The following SARNP variants were observed in gnomAD, a reference collection of about 807,000 sequenced individuals.
SARNP encodes SAP domain-containing ribonucleoprotein.
SARNP carries 5 observed loss-of-function variants against 38.1 expected under a neutral mutation model. The ratio of observed to expected loss-of-function variants is 0.13; its 90% CI spans 0.07 to 0.28. The LOEUF is 0.28. SARNP is among the 10% of genes least tolerant of loss of function. SARNP has a pLI of 1.00. For missense variants in SARNP, 180 were observed against 243.9 expected, an observed-to-expected ratio of 0.74 and a Z score of 1.75; for synonymous variants, 84 against 80.6, an observed-to-expected ratio of 1.04 and a Z score of -0.23.
At chr12:55,814,674 G>A (rs577178925) in intron 1 of SARNP, among the ~76,000 whole-genome samples, 18 of 152,102 alleles carry the variant, frequency 1.2e-4, no homozygotes, top group South Asian at 8.3e-4. Flanking sequence ...AAGTCCAGCC[G>A]GACCAATAAC....
chr12:55,762,647 T>G (rs1201186714), intron 9 of SARNP: 1 of 152,160 alleles, frequency 6.6e-6, no homozygotes, highest in African/African-American at 2.4e-5. Flanking sequence ...GAAATTATAG[T>G]CCTACAGTCT....
chr12:55,784,069 G>C (rs997137945), intron 9 of SARNP, among the ~76,000 whole-genome samples: 2 of 152,122 alleles, frequency 1.3e-5, no homozygotes, highest in Admixed American at 1.3e-4. Context: ...ACGCAGGGTC[G>C]TAAGTTGGAT....
chr12:55,758,166 G>C (rs1203651251), intron 10 of SARNP, among the ~76,000 whole-genome samples: 1 of 152,146 alleles, frequency 6.6e-6, no homozygotes, highest in African/African-American at 2.4e-5. Context: ...AAAATGGTGA[G>C]GGAAGACTTC....
chr12:55,796,294 A>T (rs897574292), intron 4 of SARNP, among the ~76,000 whole-genome samples: 1 of 152,250 alleles, frequency 6.6e-6, no homozygotes, highest in Non-Finnish European at 1.5e-5. Context: ...TTCTTTAGCT[A>T]AAGTATAATA....
chr12:55,794,001 A>G (rs1167673384), intron 7 of SARNP: 8 of 218,840 alleles, frequency 3.7e-5, no homozygotes, highest in Non-Finnish European at 7.2e-5. Context: ...GGTAGAAGAT[A>G]TTCTTTTCCC....
At chr12:55,782,060 G>A (rs139188048) in intron 9 of SARNP, among the ~76,000 whole-genome samples, 1 of 152,280 alleles carries the variant, frequency 6.6e-6, no homozygotes, top group Non-Finnish European at 1.5e-5. Context: ...CAGGAAAGAA[G>A]AGTGGCAAAA....
At chr12:55,783,909 A>G (rs890066251) in intron 9 of SARNP, among the ~76,000 whole-genome samples, 1 of 152,096 alleles carries the variant, frequency 6.6e-6, no homozygotes, top group Non-Finnish European at 1.5e-5. Flanking sequence ...CCTGGGCCAC[A>G]CATGAGATCC....
intron 4 of SARNP, among the ~76,000 whole-genome samples, 193 bp from the exon 5 acceptor site, chr12:55,796,269 A>T (rs1879818043): frequency 6.6e-6 from 1 of 152,224 alleles, no homozygotes; most frequent in Non-Finnish European, 1.5e-5. Flanking sequence ...AAAGAGTTCA[A>T]ATAACAAACT....
intron 9 of SARNP, among the ~76,000 whole-genome samples, chr12:55,768,344 G>T (rs1878907240): frequency 6.6e-6 from 1 of 151,742 alleles, no homozygotes. Context: ...TGGCTTGGCT[G>T]GTCTCGAACT....
At chr12:55,785,674 G>A (rs973575278) in intron 9 of SARNP, among the ~76,000 whole-genome samples, 5 of 151,828 alleles carry the variant, frequency 3.3e-5, no homozygotes, top group African/African-American at 7.3e-5. Flanking sequence ...ACTCAGGAGG[G>A]TGAGGTGGGA....
intron 4 of SARNP, among the ~76,000 whole-genome samples, chr12:55,798,930 A>G (rs1040831013): frequency 2.6e-5 from 4 of 152,236 alleles, no homozygotes; most frequent in Non-Finnish European, 4.4e-5. Flanking sequence ...TACATGTAAA[A>G]CATTCAGAAC....
At chr12:55,784,428 A>T (rs1178457326) in intron 9 of SARNP, among the ~76,000 whole-genome samples, 1 of 152,210 alleles carries the variant, frequency 6.6e-6, no homozygotes, top group Admixed American at 6.6e-5. Flanking sequence ...AATTCTCATC[A>T]GACAATGTAC....
In SARNP at chr12:55,757,489, CA is replaced by C. The variant is rs1878544615; in HGVS notation, c.*22del. ...GAGAGAAATGGAAAACACTGGAGAA[CA>C]GAAAGTATCAGGAACTTTTCATCAG... On this transcript the variant is annotated 3_prime_UTR_variant, in exon 11 of 11. Coordinates refer to ENST00000336133, the MANE Select transcript of SARNP (RefSeq NM_033082.4). 1 of 1,597,836 alleles carries C rather than the reference CA, an allele frequency of 6.3e-7. No individual in the cohort carries two copies. Among genetic ancestry groups the C allele is most frequent in the Non-Finnish European group, 8.5e-7 (1 of 1,172,138 alleles).
In SARNP at chr12:55,757,282, T is replaced by A; in HGVS notation, c.*230A>T. ...ATAAAACACATTGTTCTCTTTTCTA[T>A]TTTTTTTTATTAACAAGCAACATAA... On this transcript the variant is annotated 3_prime_UTR_variant, in exon 11 of 11. Transcript: ENST00000336133. 3.0e-6 allele frequency: 1 copy of A among 332,930 alleles called. No individual in the cohort carries two copies. The highest frequency in any genetic ancestry group is 5.5e-6 in the Non-Finnish European group (1 of 181,108). The allele number at this position is 332,930 out of a possible 1,614,324, so 20.6% of individuals were successfully genotyped here.
intron 1 of SARNP, among the ~76,000 whole-genome samples, chr12:55,813,268 C>G (rs1406486656): frequency 6.6e-6 from 1 of 152,048 alleles, no homozygotes; most frequent in Admixed American, 6.6e-5. Flanking sequence ...TTTAAGAACA[C>G]ACAGGGTCTT....
At chr12:55,763,030 T>C (rs1302875030) in intron 9 of SARNP, among the ~76,000 whole-genome samples, 1 of 152,150 alleles carries the variant, frequency 6.6e-6, no homozygotes, top group Non-Finnish European at 1.5e-5. Flanking sequence ...CCTATACAAG[T>C]TATCATTTAA....
chr12:55,810,609 T>C (rs1264454661), intron 1 of SARNP, among the ~76,000 whole-genome samples: 1 of 152,026 alleles, frequency 6.6e-6, no homozygotes, highest in Non-Finnish European at 1.5e-5. Context: ...TGCACCACCA[T>C]GCCCAGCTAA....
chr12:55,802,653 C>G (rs1337042795), intron 2 of SARNP, among the ~76,000 whole-genome samples: 1 of 151,460 alleles, frequency 6.6e-6, no homozygotes, highest in Admixed American at 6.6e-5. Context: ...ATTCCAAAAT[C>G]CGAAAAAACT....
rs758990878 is a variant in SARNP at position 55,790,577 on chromosome 12, T to A, written c.422A>T (p.Asn141Ile). Residue 141 changes from asparagine to isoleucine, a missense_variant, in exon 8 of 11, where the codon AAC (asparagine) becomes ATC (isoleucine). Asn to Ile is a moderately radical substitution (Grantham distance 149, BLOSUM62 -3). Transcript: ENST00000336133. ...AAAAAGATTTCTTACCATAGGTTTG[T>A]TATCAGATGACAGACCTAAGGAAGT... ...SVPTKGLSSDNKPMVNLDKLK... is the reference protein window; with the variant it reads ...SVPTKGLSSDIKPMVNLDKLK... The A allele has an allele frequency of 7.7e-6, 12 of 1,553,808 alleles. No individual in the cohort carries two copies. The East Asian group carries it at 2.8e-4, about 36-fold the overall frequency.
Sources: allele counts gnomAD v4.1 joint callset (sites outside exome capture counted in the v4.1 genomes callset), GRCh38; gene constraint gnomAD v4.1.1; transcripts MANE v1.5; gene names NCBI Gene and HGNC (gene_info 2026-07-23, HGNC 2026-07-21).